Variants in TRIP11 observed in about 807,000 individuals in gnomAD.
TRIP11 encodes thyroid hormone receptor interactor 11, also known as thyroid receptor-interacting protein 11.
Under a neutral mutation model 223.1 loss-of-function variants are expected in TRIP11, and 148 were observed. That is an observed-to-expected ratio of 0.66 (90% CI 0.58 to 0.76). TRIP11 has a LOEUF of 0.76. Ranked by LOEUF, TRIP11 falls within the 30% of genes least tolerant of loss-of-function variation. The pLI is 0.00. For synonymous variants in TRIP11, 762 were observed against 772.6 expected (o/e 0.99, Z 0.23); for missense variants, 2,043 against 2,222.0 (o/e 0.92, Z 1.62).
At chr14:92,033,123 A>C in intron 2 of TRIP11, 69 bp downstream of exon 2, 3 of 1,172,508 alleles carry the variant, frequency 2.6e-6, no homozygotes, top group Non-Finnish European at 3.8e-6. Flanking sequence ...AGAAAGGATC[A>C]AAGTAATGTT....
intron 15 of TRIP11, among the ~76,000 whole-genome samples, chr14:91,990,449 T>C (rs557032384): frequency 6.6e-6 from 1 of 152,334 alleles, no homozygotes; most frequent in African/African-American, 2.4e-5. Context: ...TTTATTTTGT[T>C]CTTCTTTTAA....
At position 91,995,400 on chromosome 14, in the gene TRIP11, C is replaced by T; in HGVS notation, c.5008G>A (p.Ala1670Thr). Residue 1670 changes from alanine (A) to threonine (T), a missense_variant, in exon 14 of 21, where the codon GCT becomes ACT. Coordinates refer to ENST00000267622, the MANE Select transcript of TRIP11 (RefSeq NM_004239.4). ...SVSQEQVKQYALSLANLQMVL... is the reference protein window; with the variant it reads ...SVSQEQVKQYTLSLANLQMVL... ...ATCTGCAGGTTGGCCAGTGACAGAGCATACTGCTTTACTTGTTCCTGAGAG... is the reference window on the plus strand; with the variant it reads ...ATCTGCAGGTTGGCCAGTGACAGAGTATACTGCTTTACTTGTTCCTGAGAG... The T allele has an allele frequency of 4.3e-6, 7 of 1,614,064 alleles. No homozygotes were observed. Among genetic ancestry groups the T allele is most frequent in the Non-Finnish European group, 5.9e-6 (7 of 1,179,998 alleles).
rs1018979012 is a variant in TRIP11 at position 92,026,590 on chromosome 14, A to G, written c.202-1170T>C. On this transcript the variant is annotated intron_variant, in intron 2 of 20. Coordinates refer to ENST00000267622, the MANE Select transcript of TRIP11 (RefSeq NM_004239.4). Reference sequence around the variant, plus strand: ...CATGTCAGACGCAGCCGTGGACACCAGCTCCGAAATCACCACCAAGGACTT... The same window carrying G: ...CATGTCAGACGCAGCCGTGGACACCGGCTCCGAAATCACCACCAAGGACTT... 6.5e-5 allele frequency: 83 copies of G among 1,282,194 alleles called. No individual in the cohort carries two copies. In the African/African-American group the frequency reaches 9.8e-4, roughly 15 times the overall value. The allele number at this position is 1,282,194 out of a possible 1,614,324, so 79.4% of individuals were successfully genotyped here. A position where few individuals can be genotyped will look rare whatever the true frequency, so the allele number is the denominator to read the frequency against.
intron 5 of TRIP11, among the ~76,000 whole-genome samples, chr14:92,016,984 T>A (rs1236791758): frequency 2.0e-5 from 3 of 152,192 alleles, no homozygotes; most frequent in East Asian, 3.8e-4. Flanking sequence ...TGACACAAAC[T>A]AGCGAAATTC....
rs186208129 is a variant in TRIP11, at chr14:91,971,059, T to A, written c.5720-1166A>T. ...AACAATCTTGATTAGATTATTTTTC[T>A]ATGAAGTTGGGCTAATACAATTCCT... On this transcript the variant is annotated intron_variant, in intron 20 of 20. Transcript: ENST00000267622. 2.3e-4 allele frequency among the ~76,000 whole-genome samples: 35 copies of A among 152,370 alleles called. 1 individual carries two copies. In the Middle Eastern group the frequency reaches 0.01, roughly 44 times the overall value.
intron 16 of TRIP11, among the ~76,000 whole-genome samples, chr14:91,985,956 A>T (rs1442975392): frequency 6.6e-6 from 1 of 152,248 alleles, no homozygotes; most frequent in Non-Finnish European, 1.5e-5. Flanking sequence ...ATATTAAAGC[A>T]CTTAGGTAAT....
In TRIP11 at chr14:92,005,299, C is replaced by A; in HGVS notation, c.2677G>T (p.Glu893Ter). The change falls in exon 11 of 21, where the codon GAA becomes TAA. Residue 893 changes from glutamate to a stop codon, truncating the protein, a stop_gained. Coordinates refer to ENST00000267622, the MANE Select transcript of TRIP11 (RefSeq NM_004239.4). LOFTEE classifies it high-confidence loss of function. Reference protein sequence around the residue: ...ADPKTLDSVTELASEVSQLNT... With the variant: ...ADPKTLDSVT Reference sequence around the variant, plus strand: ...AGTTGAGATACCTCAGATGCTAGTTCAGTAACACTATCAAGGGTTTTAGGG... The same window carrying A: ...AGTTGAGATACCTCAGATGCTAGTTAAGTAACACTATCAAGGGTTTTAGGG... 1 of 1,614,060 alleles carries A rather than the reference C, an allele frequency of 6.2e-7. No individual in the cohort carries two copies. Among genetic ancestry groups the A allele is most frequent in the Non-Finnish European group, 8.5e-7 (1 of 1,179,996 alleles).
At chr14:91,995,620 T>A (rs1017921855) in intron 13 of TRIP11, 105 bp from the exon 14 acceptor site, 61 of 82,704 alleles carry the variant, frequency 7.4e-4, no homozygotes, top group Non-Finnish European at 1.0e-3. Context: ...ATTTTATTTC[T>A]TTTTTTTTTT....
At chr14:92,011,855 A>G in intron 7 of TRIP11, 60 bp from the exon 8 acceptor site, 2 of 1,512,548 alleles carry the variant, frequency 1.3e-6, no homozygotes, top group South Asian at 1.1e-5. Flanking sequence ...ATTATCTTCA[A>G]TATTAAACTC....
intron 3 of TRIP11, among the ~76,000 whole-genome samples, chr14:92,023,664 G>A (rs1315896140): frequency 6.6e-6 from 1 of 152,130 alleles, no homozygotes; most frequent in Non-Finnish European, 1.5e-5. Context: ...GTGTCATAAT[G>A]ACACAGCTGT....
Position 91,993,903 on chromosome 14 carries a change from G to C in TRIP11, c.5066C>G (p.Ala1689Gly). The C allele has an allele frequency of 6.2e-7, 1 of 1,612,360 alleles. No homozygotes were observed. Among genetic ancestry groups the C allele is most frequent in the Non-Finnish European group, 8.5e-7 (1 of 1,179,140 alleles). The change falls in exon 15 of 21, where the codon GCT becomes GGT. Residue 1689 changes from alanine to glycine, a missense_variant. Physicochemically the swap from Ala to Gly is moderately conservative, Grantham distance 60 (BLOSUM62 0). Coordinates refer to ENST00000267622, the MANE Select transcript of TRIP11 (RefSeq NM_004239.4). ...CTTTTCGAGTTCAGCAGAATACATA[G>C]CTTTTTCCTCTAAAGAGAAAAGAAA... ...VLEHFQQEEK[A>G]MYSAELEKQK... is the part of the protein sequence containing the mutation.
chr14:92,006,505 G>T, intron 10 of TRIP11, 57 bp from the exon 11 acceptor site: 1 of 1,563,156 alleles, frequency 6.4e-7, no homozygotes, highest in Non-Finnish European at 8.7e-7. Flanking sequence ...AGTACTCAAA[G>T]AAAATTTTAT....
intron 16 of TRIP11, among the ~76,000 whole-genome samples, chr14:91,981,008 A>ATTTTTTTTTTTTT (rs1211000138): frequency 6.4e-5 from 5 of 78,324 alleles, no homozygotes; most frequent in African/African-American, 3.2e-4. Flanking sequence ...ATATATATAT[A>ATTTTTTTTTTTTT]TATATTTTTT....
chr14:92,036,864 A>G (rs960498180), intron 1 of TRIP11, among the ~76,000 whole-genome samples: 6 of 152,094 alleles, frequency 3.9e-5, no homozygotes, highest in Non-Finnish European at 7.4e-5. Context: ...CCTCCCAAGT[A>G]GGTGAGACTA....
intron 11 of TRIP11, among the ~76,000 whole-genome samples, chr14:92,000,701 G>A (rs1274723099): frequency 2.0e-5 from 3 of 152,170 alleles, no homozygotes; most frequent in African/African-American, 7.2e-5. Context: ...GTGTACGTGT[G>A]TGCACACGTA....
At chr14:92,025,507 T>C (rs996184843) in intron 2 of TRIP11, 87 bp from the exon 3 acceptor site, 17 of 822,062 alleles carry the variant, frequency 2.1e-5, no homozygotes, top group East Asian at 1.1e-4. Flanking sequence ...AACGTACTGC[T>C]TTCCCCCCCC....
chr14:91,993,855 C>T lies in TRIP11; in HGVS notation c.5114G>A (p.Trp1705Ter). The change falls in exon 15 of 21, where the codon TGG becomes TAG. Residue 1705 changes from tryptophan to a stop codon, truncating the protein, a stop_gained. Transcript: ENST00000267622. LOFTEE classifies it high-confidence loss of function. The stretch of plus-strand genomic sequence containing the variant: ...TTCCAGATTTTCTGCGTTTTTCTTC[C>T]ATTCAGCTATAAGCTGTTTTTGCTT... Reference protein sequence around the residue: ...LEKQKQLIAEWKKNAENLEGK... With the variant: ...LEKQKQLIAE 1 of 1,613,802 alleles carries T rather than the reference C, an allele frequency of 6.2e-7. No homozygotes were observed. The highest frequency in any genetic ancestry group is 8.5e-7 in the Non-Finnish European group (1 of 1,179,942).
chr14:91,977,196 A>G (rs1167948636), intron 16 of TRIP11: 1 of 453,474 alleles, frequency 2.2e-6, no homozygotes, highest in Non-Finnish European at 4.4e-6. Flanking sequence ...GATATGATTT[A>G]CAAACATGTT....
chr14:92,009,116 G>A (rs994000738), intron 9 of TRIP11, among the ~76,000 whole-genome samples: 18 of 152,178 alleles, frequency 1.2e-4, no homozygotes, highest in African/African-American at 4.3e-4. Context: ...AAAGTTATCT[G>A]TTCAAATTAG....
Sources: gnomAD v4.1 joint callset for allele counts (sites outside exome capture counted in the v4.1 genomes callset) on GRCh38, gnomAD v4.1.1 for gene constraint, MANE v1.5 for transcripts, NCBI Gene and HGNC (gene_info 2026-07-23, HGNC 2026-07-21) for gene names.